The following FIP1L1 variants were observed in gnomAD, a reference collection of about 807,000 sequenced individuals.
FIP1L1 encodes factor interacting with PAPOLA and CPSF1.
FIP1L1 carries 21 observed loss-of-function variants against 84.6 expected under a neutral mutation model. The ratio of observed to expected loss-of-function variants is 0.25; its 90% CI spans 0.18 to 0.36. The LOEUF (loss-of-function observed/expected upper bound fraction) is 0.36, where lower values mean the gene tolerates loss of function less well. Among genes scored for constraint, FIP1L1 ranks in the 10% least tolerant of loss-of-function variants. The probability of loss-of-function intolerance (pLI) is 1.00; values close to 1 mark genes in which losing one functional copy is unlikely to be tolerated. For missense variants in FIP1L1, 526 were observed against 751.1 expected, an observed-to-expected ratio of 0.70 and a Z score of 3.50; for synonymous variants, 263 against 242.3, an observed-to-expected ratio of 1.09 and a Z score of -0.80.
rs78667704 is a variant in FIP1L1, at chr4:53,406,999, C to G, written c.815+7160C>G. 2.0e-3 allele frequency among the ~76,000 whole-genome samples: 307 copies of G among 152,246 alleles called. 7 individuals are homozygous for G. The East Asian group carries it at 0.024, about 12-fold the overall frequency. Reference sequence around the variant, plus strand: ...TGATTTTTTGAAGGGTTTTTTGTGTCTCTATTTTCTTCAGTTCTGCTCTGA... The same window carrying G: ...TGATTTTTTGAAGGGTTTTTTGTGTGTCTATTTTCTTCAGTTCTGCTCTGA... On this transcript the variant is annotated intron_variant, in intron 10 of 17. Transcript: ENST00000337488.
At chr4:53,382,061 G>A (rs1490440458) in intron 3 of FIP1L1, among the ~76,000 whole-genome samples, 3 of 151,760 alleles carry the variant, frequency 2.0e-5, no homozygotes, top group Non-Finnish European at 2.9e-5. Context: ...GAGCCTCCAC[G>A]CCCAGCCTGG....
At chr4:53,403,729 G>A (rs1476366408) in intron 10 of FIP1L1, among the ~76,000 whole-genome samples, 1 of 152,192 alleles carries the variant, frequency 6.6e-6, no homozygotes, top group Non-Finnish European at 1.5e-5. Flanking sequence ...TGCAACATGC[G>A]GTTGGGCATT....
chr4:53,381,753 C>CATTTTTTTTTTTTTT (rs1738037866), intron 3 of FIP1L1, among the ~76,000 whole-genome samples: 1 of 87,948 alleles, frequency 1.1e-5, no homozygotes, highest in African/African-American at 5.6e-5. Flanking sequence ...CATTTGCATT[C>CATTTTTTTTTTTTTT]TTTTTTTTTT....
chr4:53,406,635 G>C (rs1033151353), intron 10 of FIP1L1, among the ~76,000 whole-genome samples: 1 of 152,100 alleles, frequency 6.6e-6, no homozygotes, highest in Non-Finnish European at 1.5e-5. Context: ...AATCCATCTG[G>C]TCCTGGACTC....
chr4:53,382,753 T>C (rs1175814986), intron 4 of FIP1L1, among the ~76,000 whole-genome samples: 1 of 152,252 alleles, frequency 6.6e-6, no homozygotes, highest in Non-Finnish European at 1.5e-5. Flanking sequence ...GAACATATCA[T>C]TGGTCCTATG....
intron 13 of FIP1L1, among the ~76,000 whole-genome samples, chr4:53,432,615 G>A (rs1329612905): frequency 6.6e-6 from 1 of 152,018 alleles, no homozygotes; most frequent in African/African-American, 2.4e-5. Flanking sequence ...TCACTTTTCA[G>A]GGTACTATTC....
chr4:53,447,145 G>A (rs924725386), intron 15 of FIP1L1, among the ~76,000 whole-genome samples: 18 of 152,002 alleles, frequency 1.2e-4, no homozygotes, highest in African/African-American at 4.1e-4. Flanking sequence ...AGTTCTTTCA[G>A]TGGTCTCTAC....
chr4:53,458,356 T>C (rs1168366008), intron 16 of FIP1L1, among the ~76,000 whole-genome samples: 1 of 152,058 alleles, frequency 6.6e-6, no homozygotes, highest in African/African-American at 2.4e-5. Flanking sequence ...TTTCAAGAAA[T>C]GAAAAAACCA....
chr4:53,454,190 G>A (rs1266890247), intron 16 of FIP1L1, among the ~76,000 whole-genome samples: 4 of 152,150 alleles, frequency 2.6e-5, no homozygotes, highest in African/African-American at 9.7e-5. Flanking sequence ...TTACAATACT[G>A]TTTTTACTGT....
In FIP1L1 at chr4:53,426,039, A is replaced by G. The variant is rs188678523; in HGVS notation, c.1017+74A>G. ...AACATTATAATTTAATTTATTCAAT[A>G]GATAGTCATAGTGCTATGCTGTGTT... On this transcript the variant is annotated intron_variant, in intron 12 of 17. Coordinates refer to ENST00000337488, the MANE Select transcript of FIP1L1 (RefSeq NM_030917.4). The G allele has an allele frequency of 4.0e-6, 4 of 994,974 alleles. No homozygotes were observed. The Admixed American group carries it at 8.3e-5, about 21-fold the overall frequency. The allele number at this position is 994,974 out of a possible 1,614,324, so 61.6% of individuals were successfully genotyped here.
rs901966392 is a variant in FIP1L1 at position 53,437,496 on chromosome 4, A to T, written c.1175-5157A>T. ...TCTGTACTAAATTGCTCAGCAGTGA[A>T]ATTAGGAGGGAAGCTTAGAATCGGA... On this transcript the variant is annotated intron_variant, in intron 13 of 17. Transcript: ENST00000337488. Among the ~76,000 whole-genome samples the T allele has an allele frequency of 4.6e-5, 7 of 151,900 alleles. No homozygotes were observed. The South Asian group carries it at 8.3e-4, about 18-fold the overall frequency.
rs1351785373 is a variant in FIP1L1 at position 53,382,315 on chromosome 4, G to C, written c.208G>C (p.Glu70Gln). The C allele has an allele frequency of 6.2e-7, 1 of 1,613,570 alleles. No individual in the cohort carries two copies. Among genetic ancestry groups the C allele is most frequent in the Non-Finnish European group, 8.5e-7 (1 of 1,179,662 alleles). The change falls in exon 4 of 18, where the codon GAA (glutamate) becomes CAA (glutamine). Residue 70 changes from glutamate to glutamine, a missense_variant. Glu to Gln is a conservative substitution (Grantham distance 29, BLOSUM62 2). Around this residue, in one of 6 missense-constraint regions of FIP1L1, gnomAD observed 100 missense variants for 107.2 expected, o/e 0.93. Coordinates refer to ENST00000337488, the MANE Select transcript of FIP1L1 (RefSeq NM_030917.4). Reference sequence around the variant, plus strand: ...ATCTGGAATTGAAGATGAAACTGCTGAAAATGGTGTACCAAAACCGGTAAC... The same window carrying C: ...ATCTGGAATTGAAGATGAAACTGCTCAAAATGGTGTACCAAAACCGGTAAC... The part of the protein sequence containing the change: ...PPSGIEDETA[E>Q]NGVPKPKVTE...
intron 9 of FIP1L1, among the ~76,000 whole-genome samples, chr4:53,397,475 G>C (rs1748013257): frequency 6.6e-6 from 1 of 152,174 alleles, no homozygotes; most frequent in African/African-American, 2.4e-5. Context: ...CTTCTCTGAA[G>C]GCAGGATGTC....
At position 53,389,859 on chromosome 4, in the gene FIP1L1, T is replaced by C. The variant is rs765309460; in HGVS notation, c.383T>C (p.Val128Ala). The C allele has an allele frequency of 1.9e-6, 3 of 1,600,508 alleles. No homozygotes were observed. In the South Asian group the frequency reaches 3.4e-5, roughly 18 times the overall value. ...CTTAACATCAAGACAGGGGGAAGAGTTTATGGAACTACAGGTAAAATTTGT... is the reference window on the plus strand; with the variant it reads ...CTTAACATCAAGACAGGGGGAAGAGCTTATGGAACTACAGGTAAAATTTGT... ...VNLNIKTGGR[V>A]YGTTGTKVKG... The change falls in exon 6 of 18, where the codon GTT (valine) becomes GCT (alanine). Residue 128 changes from valine to alanine, a missense_variant. Around this residue, in one of 6 missense-constraint regions of FIP1L1, gnomAD observed 169 missense variants for 206.9 expected, o/e 0.82. Transcript: ENST00000337488.
intron 11 of FIP1L1, among the ~76,000 whole-genome samples, chr4:53,420,156 C>T (rs535438343): frequency 3.1e-3 from 418 of 133,986 alleles, no homozygotes; most frequent in African/African-American, 0.011. Context: ...TGAGATCGCG[C>T]CACTGCACTC....
At chr4:53,408,923 C>G (rs1755427410) in intron 10 of FIP1L1, among the ~76,000 whole-genome samples, 1 of 118,890 alleles carries the variant, frequency 8.4e-6, no homozygotes, top group Non-Finnish European at 2.0e-5. Context: ...TTTTTAACTT[C>G]TTTGCCTTTG....
chr4:53,428,739 AACTC>A (rs1386566997), intron 13 of FIP1L1, among the ~76,000 whole-genome samples: 2 of 152,216 alleles, frequency 1.3e-5, no homozygotes, highest in Admixed American at 1.3e-4. Context: ...ATAGAGAAGA[AACTC>A]ACAAATAATT....
chr4:53,456,906 T>C (rs946876367), intron 16 of FIP1L1, among the ~76,000 whole-genome samples: 1 of 152,072 alleles, frequency 6.6e-6, no homozygotes, highest in Non-Finnish European at 1.5e-5. Flanking sequence ...AGTTAACAAA[T>C]GACACATTAT....
chr4:53,380,951 C>A (rs1160052771), intron 3 of FIP1L1, among the ~76,000 whole-genome samples: 1 of 152,014 alleles, frequency 6.6e-6, no homozygotes, highest in African/African-American at 2.4e-5. Flanking sequence ...ACTTTCTAAT[C>A]AAACATTCTT....
Sources: gnomAD v4.1 joint callset for allele counts (sites outside exome capture counted in the v4.1 genomes callset) on GRCh38, gnomAD v4.1.1 for gene constraint, gnomAD v4.1.1 regional missense constraint, MANE v1.5 for transcripts, NCBI Gene and HGNC (gene_info 2026-07-23, HGNC 2026-07-21) for gene names.